The following MGAM2 variants were observed in gnomAD, a reference collection of about 807,000 sequenced individuals.
The protein encoded by MGAM2 is probable maltase-glucoamylase 2.
MGAM2 carries 98 observed loss-of-function variants against 96.1 expected under a neutral mutation model. That is an observed-to-expected ratio of 1.02 (90% CI 0.87 to 1.21). The LOEUF is 1.21. Among genes scored for constraint, MGAM2 ranks in the 50% most tolerant of loss-of-function variants. The probability of loss-of-function intolerance (pLI) is 0.00; values close to 1 mark genes in which losing one functional copy is unlikely to be tolerated. For synonymous variants in MGAM2, 749 were observed against 414.8 expected, an observed-to-expected ratio of 1.81 and a Z score of -9.79; for missense variants, 2,055 against 1,182.4, an observed-to-expected ratio of 1.74 and a Z score of -10.82.
In MGAM2 at chr7:142,176,095, C is replaced by CAAAAAAAA. The variant is rs61345348; in HGVS notation, c.3816+321_3816+328dup. On this transcript the variant is annotated intron_variant, in intron 32 of 47. Transcript: ENST00000477922. ...CTGTGGGCTGAAGCACTGAAGATAG[C>CAAAAAAAA]AAAAAAAAAAAAAGGGGGGGGCATC... Among the ~76,000 whole-genome samples, 12 of 131,276 alleles carry CAAAAAAAA rather than the reference C, an allele frequency of 9.1e-5. No individual in the cohort carries two copies. The East Asian group carries it at 1.1e-3, about 12-fold the overall frequency. The allele number at this position is 131,276 out of a possible 152,430, so 86.1% of individuals were successfully genotyped here. A position where few individuals can be genotyped will look rare whatever the true frequency, so the allele number is the denominator to read the frequency against.
At chr7:142,128,419 G>T (rs1222485657) in intron 3 of MGAM2, among the ~76,000 whole-genome samples, 2 of 152,202 alleles carry the variant, frequency 1.3e-5, no homozygotes, top group Non-Finnish European at 2.9e-5. Context: ...AAGTAACAAG[G>T]AGTCAAATGG....
At chr7:142,168,808 T>G (rs1384535678) in intron 26 of MGAM2, among the ~76,000 whole-genome samples, 1 of 152,186 alleles carries the variant, frequency 6.6e-6, no homozygotes, top group Non-Finnish European at 1.5e-5. Context: ...AAATCAAAAT[T>G]TAATGGAGTT....
rs191601172 is a variant in MGAM2, at chr7:142,171,357, T to C, written c.3268T>C (p.Phe1090Leu). 9 of 703,160 alleles carry C rather than the reference T, an allele frequency of 1.3e-5. No individual in the cohort carries two copies. The African/African-American group carries it at 1.6e-4, about 12-fold the overall frequency. The allele number at this position is 703,160 out of a possible 1,614,324, so 43.6% of individuals were successfully genotyped here. A position where few individuals can be genotyped will look rare whatever the true frequency, so the allele number is the denominator to read the frequency against. ...TRLPSQYIYG[F>L]GETEHTTFRR... Reference sequence around the variant, plus strand: ...TCTGCCGTCCCAGTACATCTATGGCTTTGGGGAAACTGAGCACACGACTTT... The same window carrying C: ...TCTGCCGTCCCAGTACATCTATGGCCTTGGGGAAACTGAGCACACGACTTT... The change falls in exon 28 of 48, where the codon TTT becomes CTT. Residue 1090 changes from phenylalanine to leucine, a missense_variant. Transcript: ENST00000477922.
chr7:142,190,471 G>A (rs374520197), intron 37 of MGAM2, among the ~76,000 whole-genome samples: 5 of 151,670 alleles, frequency 3.3e-5, no homozygotes, highest in East Asian at 2.0e-4. Context: ...GACGGGTTTC[G>A]CCATGTTGGC....
intron 28 of MGAM2, among the ~76,000 whole-genome samples, 191 bp downstream of exon 28, chr7:142,171,631 T>TATATATTTCCCTCTGTCAGTTATGG: frequency 1.2e-5 from 1 of 84,842 alleles, no homozygotes; most frequent in African/African-American, 4.2e-5. Flanking sequence ...TATATATATA[T>TATATATTTCCCTCTGTCAGTTATGG]ATATATATAT....
chr7:142,121,058 C>G (rs759772030), intron 3 of MGAM2, among the ~76,000 whole-genome samples: 10 of 152,120 alleles, frequency 6.6e-5, no homozygotes, highest in Non-Finnish European at 1.5e-4. Flanking sequence ...TTAATTAGGA[C>G]AGTATTGAAT....
intron 6 of MGAM2, among the ~76,000 whole-genome samples, chr7:142,133,752 C>A (rs576437780): frequency 6.6e-6 from 1 of 152,222 alleles, no homozygotes; most frequent in Non-Finnish European, 1.5e-5. Flanking sequence ...CAACTCTGCT[C>A]TCTTTCCCCA....
chr7:142,220,661 T>C lies in MGAM2; in HGVS notation c.6150T>C (p.Thr2050=). 1.4e-6 allele frequency: 1 copy of C among 702,386 alleles called. No individual in the cohort carries two copies. Among genetic ancestry groups the C allele is most frequent in the South Asian group, 1.5e-5 (1 of 67,600 alleles). The allele number at this position is 702,386 out of a possible 1,614,324, so 43.5% of individuals were successfully genotyped here. ...CTGCTCCTTTCCCTACAAGTACTAC[T>C]AGTACTAGCACTAGTGCTACTGTTC... The part of the protein sequence containing the change: ...DTTAPFPTST[T]STSTSATVPI... Residue 2050 remains threonine (T), a synonymous_variant, in exon 48 of 48, where the codon ACT becomes ACC. Transcript: ENST00000477922.
chr7:142,181,878 C>G (rs73158466), intron 32 of MGAM2, among the ~76,000 whole-genome samples: 28,679 of 152,048 alleles, frequency 0.19, 2,966 homozygotes, highest in East Asian at 0.34. Context: ...TCAGCTTGCT[C>G]TCCCCCAACT....
chr7:142,199,793 G>A (rs1445121761), intron 44 of MGAM2, 87 bp from the exon 45 acceptor site: 4 of 501,828 alleles, frequency 8.0e-6, no homozygotes, highest in Non-Finnish European at 1.4e-5. Context: ...TTTATTTCTA[G>A]ATAAGTAATG....
chr7:142,182,045 C>G (rs1796560681), intron 32 of MGAM2, among the ~76,000 whole-genome samples: 1 of 152,130 alleles, frequency 6.6e-6, no homozygotes, highest in Non-Finnish European at 1.5e-5. Flanking sequence ...CCTTCCCAGA[C>G]CAGTCTGGCA....
At chr7:142,197,818 G>A in intron 42 of MGAM2, 90 bp downstream of exon 42, 2 of 690,042 alleles carry the variant, frequency 2.9e-6, no homozygotes, top group Non-Finnish European at 5.3e-6. Context: ...ATTTTGTCCA[G>A]CTCACTATTT....
chr7:142,184,999 A>C (rs1232103304), intron 33 of MGAM2, 78 bp from the exon 34 acceptor site: 1 of 640,490 alleles, frequency 1.6e-6, no homozygotes, highest in Non-Finnish European at 2.9e-6. Flanking sequence ...GCCTGTCATC[A>C]GAGTCTAACA....
At chr7:142,215,676 T>C (rs1439465746) in intron 46 of MGAM2, among the ~76,000 whole-genome samples, 1 of 150,570 alleles carries the variant, frequency 6.6e-6, no homozygotes, top group Admixed American at 6.6e-5. Context: ...GAGAATCGCT[T>C]GAACCTGGGA....
In MGAM2 at chr7:142,166,078, G is replaced by A. The variant is rs796917503; in HGVS notation, c.2653-20G>A. ...GCTTTCCCTCCCTTCCTTTGTCACT[G>A]TGACTGTCTCTTTCCCCAGGTGGTA... On this transcript the variant is annotated intron_variant, in intron 24 of 47. Transcript: ENST00000477922. The A allele has an allele frequency of 2.7e-5, 18 of 670,212 alleles. No individual in the cohort carries two copies. In the African/African-American group the frequency reaches 2.8e-4, roughly 11 times the overall value. 41.5% of individuals were successfully genotyped at this position (670,212 alleles called of 1,614,324 possible).
intron 17 of MGAM2, among the ~76,000 whole-genome samples, chr7:142,155,623 C>G (rs1027725208): frequency 2.6e-5 from 4 of 152,164 alleles, no homozygotes; most frequent in Non-Finnish European, 5.9e-5. Context: ...CTGGGCTTTT[C>G]TGGCCACTTG....
At chr7:142,161,915 T>C (rs1413080112) in intron 22 of MGAM2, 40 bp from the exon 23 acceptor site, 3 of 664,710 alleles carry the variant, frequency 4.5e-6, no homozygotes, top group Admixed American at 4.7e-5. Flanking sequence ...CCTGGCTGAT[T>C]GGCTTCCCAT....
intron 33 of MGAM2, among the ~76,000 whole-genome samples, chr7:142,184,369 C>T (rs1281582173): frequency 2.0e-5 from 3 of 152,166 alleles, no homozygotes; most frequent in East Asian, 1.9e-4. Flanking sequence ...CAGTTAGTAA[C>T]TATTTTAGTT....
intron 23 of MGAM2, among the ~76,000 whole-genome samples, chr7:142,163,102 T>C (rs926740594): frequency 3.9e-5 from 6 of 152,200 alleles, no homozygotes; most frequent in Non-Finnish European, 8.8e-5. Flanking sequence ...ATCCAAGTTG[T>C]GTGTGACAAC....
Sources: gnomAD v4.1 joint callset for allele counts (sites outside exome capture counted in the v4.1 genomes callset) on GRCh38, gnomAD v4.1.1 for gene constraint, MANE v1.5 for transcripts, NCBI Gene and HGNC (gene_info 2026-07-23, HGNC 2026-07-21) for gene names.